Variants in STARD6 observed in about 807,000 individuals in gnomAD.
STARD6 encodes the protein stAR-related lipid transfer protein 6.
Under a neutral mutation model 22.3 loss-of-function variants are expected in STARD6, and 21 were observed. The ratio of observed to expected loss-of-function variants is 0.94; its 90% confidence interval spans 0.67 to 1.35. The LOEUF (loss-of-function observed/expected upper bound fraction) is 1.35. STARD6 is among the 40% of genes most tolerant of loss of function. The pLI, the probability that STARD6 is intolerant of heterozygous loss-of-function variation, is 0.00. For missense variants in STARD6, 269 were observed against 266.9 expected (o/e 1.01, Z -0.05); for synonymous variants, 80 against 88.1 (o/e 0.91, Z 0.52).
At chr18:54,349,621 G>T (rs989937927) in intron 4 of STARD6, among the ~76,000 whole-genome samples, 1 of 152,122 alleles carries the variant, frequency 6.6e-6, no homozygotes, top group Admixed American at 6.6e-5. Context: ...AGTGTACACT[G>T]TACCCAATGT....
chr18:54,335,489 C>G (rs1568168335), intron 5 of STARD6, among the ~76,000 whole-genome samples: 1 of 152,092 alleles, frequency 6.6e-6, no homozygotes, highest in Non-Finnish European at 1.5e-5. Context: ...CCACCGCGCT[C>G]AGCCCCAGGT....
At chr18:54,354,287 G>A (rs375125881) in intron 3 of STARD6, 184 bp from the exon 4 acceptor site, 4 of 632,586 alleles carry the variant, frequency 6.3e-6, no homozygotes, top group African/African-American at 1.8e-5. Flanking sequence ...GCTATTCACA[G>A]GCACAATCAT....
intron 4 of STARD6, among the ~76,000 whole-genome samples, chr18:54,347,951 G>A (rs554046111): frequency 7.9e-5 from 12 of 152,156 alleles, no homozygotes; most frequent in African/African-American, 2.2e-4. Context: ...TCATGGAGGC[G>A]GTTTCCCCCA....
At position 54,324,661 on chromosome 18, in the gene STARD6, T is replaced by C. The variant is rs926619172; in HGVS notation, c.*31A>G. The C allele has an allele frequency of 6.2e-7, 1 of 1,604,742 alleles. No individual in the cohort carries two copies. Among genetic ancestry groups the C allele is most frequent in the East Asian group, 2.2e-5 (1 of 44,632 alleles). Reference sequence around the variant, plus strand: ...GCAATAACTACTACACATGATTTTATAGCAGAACGGCCTCATTTCTTCTTT... The same window carrying C: ...GCAATAACTACTACACATGATTTTACAGCAGAACGGCCTCATTTCTTCTTT... On this transcript the variant is annotated 3_prime_UTR_variant, in exon 8 of 8. Coordinates refer to ENST00000307844, the MANE Select transcript of STARD6 (RefSeq NM_139171.2).
At position 54,354,618 on chromosome 18, in the gene STARD6, A is replaced by G. The variant is rs769426161; in HGVS notation, c.-4-41T>C. ...ACAAACAACTGGTAAGAATATAACC[A>G]TATAAAAACTTAAAAAGTGCTATCT... On this transcript the variant is annotated intron_variant, in intron 2 of 7. Transcript: ENST00000307844. 9 of 1,382,584 alleles carry G rather than the reference A, an allele frequency of 6.5e-6. No homozygotes were observed. In the African/African-American group the frequency reaches 1.2e-4, roughly 18 times the overall value. 85.6% of individuals were successfully genotyped at this position (1,382,584 alleles called of 1,614,324 possible).
intron 4 of STARD6, among the ~76,000 whole-genome samples, chr18:54,342,194 A>G (rs996161409): frequency 6.6e-6 from 1 of 152,250 alleles, no homozygotes; most frequent in African/African-American, 2.4e-5. Context: ...GCAATAGCAC[A>G]TCTTAATTAT....
chr18:54,353,806 T>C (rs902412730), intron 4 of STARD6: 5 of 306,316 alleles, frequency 1.6e-5, no homozygotes, highest in Non-Finnish European at 2.3e-5. Context: ...GAAGTGAAAA[T>C]TTCCTATTTA....
At chr18:54,341,225 A>G (rs1410209012) in intron 4 of STARD6, among the ~76,000 whole-genome samples, 1 of 152,054 alleles carries the variant, frequency 6.6e-6, no homozygotes, top group Admixed American at 6.5e-5. Flanking sequence ...GCGCCCGGCT[A>G]ATTTTTTGTA....
At chr18:54,328,872 C>T (rs1245671684) in intron 7 of STARD6, among the ~76,000 whole-genome samples, 1 of 152,126 alleles carries the variant, frequency 6.6e-6, no homozygotes, top group Non-Finnish European at 1.5e-5. Context: ...TTCGGCTTTT[C>T]TTTTTATCTG....
intron 4 of STARD6, among the ~76,000 whole-genome samples, chr18:54,346,077 A>T (rs1194912503): frequency 6.6e-6 from 1 of 152,170 alleles, no homozygotes; most frequent in African/African-American, 2.4e-5. Flanking sequence ...GAACTTCAAG[A>T]AAATTTTTAA....
At chr18:54,353,560 C>T (rs114990646) in intron 4 of STARD6, among the ~76,000 whole-genome samples, 26,042 of 152,016 alleles carry the variant, frequency 0.17, 2,410 homozygotes, top group Middle Eastern at 0.25. Context: ...TTCAGGAGGC[C>T]GAGGCGGAAG....
At chr18:54,353,959 T>C in intron 4 of STARD6, 95 bp downstream of exon 4, 8 of 683,112 alleles carry the variant, frequency 1.2e-5, no homozygotes, top group Non-Finnish European at 2.4e-6. Context: ...TACTATAAAA[T>C]AATTTATTAT....
At position 54,331,771 on chromosome 18, in the gene STARD6, C is replaced by T. The variant is rs775652197; in HGVS notation, c.356G>A (p.Arg119His). Reference sequence around the variant, plus strand: ...GATAATGTTCATATTTCCTTCGTAGCGCTTGATGTACACTAAGTCGATAAA... The same window carrying T: ...GATAATGTTCATATTTCCTTCGTAGTGCTTGATGTACACTAAGTCGATAAA... ...RDFIDLVYIK[R>H]YEGNMNIISS... is the part of the protein sequence containing the mutation. The change falls in exon 6 of 8, where the codon CGC becomes CAC. Residue 119 changes from arginine (R) to histidine (H), a missense_variant. Physicochemically the swap from Arg to His is conservative, Grantham distance 29 (BLOSUM62 0). Coordinates refer to ENST00000307844, the MANE Select transcript of STARD6 (RefSeq NM_139171.2). 1.1e-5 allele frequency: 18 copies of T among 1,610,798 alleles called. No individual in the cohort carries two copies. Among genetic ancestry groups the T allele is most frequent in the Non-Finnish European group, 1.4e-5 (17 of 1,177,926 alleles).
chr18:54,327,798 AT>A (rs1397782236), intron 7 of STARD6, among the ~76,000 whole-genome samples: 1 of 152,044 alleles, frequency 6.6e-6, no homozygotes, highest in African/African-American at 2.4e-5. Flanking sequence ...ACTTTTCTCT[AT>A]GCAGGGTTTA....
chr18:54,351,625 T>G (rs1461419090), intron 4 of STARD6, among the ~76,000 whole-genome samples: 2 of 152,212 alleles, frequency 1.3e-5, no homozygotes, highest in Admixed American at 1.3e-4. Flanking sequence ...GTTCCTTCTA[T>G]GCCTATTTTG....
At chr18:54,342,432 TCC>T (rs2088978927) in intron 4 of STARD6, among the ~76,000 whole-genome samples, 1 of 124,386 alleles carries the variant, frequency 8.0e-6, no homozygotes, top group African/African-American at 3.3e-5. Context: ...CGTCTCCCTC[TCC>T]CTCTCCCTCT....
intron 4 of STARD6, among the ~76,000 whole-genome samples, chr18:54,337,834 T>A (rs1400897445): frequency 2.0e-5 from 3 of 152,236 alleles, no homozygotes; most frequent in African/African-American, 4.8e-5. Context: ...TATATGGCTG[T>A]AAGGCAGAAA....
chr18:54,341,302 G>T (rs35094094), intron 4 of STARD6, among the ~76,000 whole-genome samples: 2 of 151,988 alleles, frequency 1.3e-5, no homozygotes, highest in Non-Finnish European at 2.9e-5. Flanking sequence ...CTCATGATCC[G>T]CCCACCTCAG....
At chr18:54,342,417 CTCTCCG>C (rs1318436579) in intron 4 of STARD6, among the ~76,000 whole-genome samples, 4 of 116,744 alleles carry the variant, frequency 3.4e-5, no homozygotes, top group Middle Eastern at 4.3e-3. Context: ...TAAGAAAATG[CTCTCCG>C]TCTCCCTCTC....
Sources: gnomAD v4.1 joint callset for allele counts (sites outside exome capture counted in the v4.1 genomes callset) on GRCh38, gnomAD v4.1.1 for gene constraint, MANE v1.5 for transcripts, NCBI Gene and HGNC (gene_info 2026-07-23, HGNC 2026-07-21) for gene names.